ASCC1: variants seen among roughly 807,000 people sequenced by gnomAD.
The protein encoded by ASCC1 is ASC-1 complex subunit P50.
ASCC1 carries 35 observed loss-of-function variants against 46.6 expected under a neutral mutation model. The observed-to-expected ratio is 0.75, with a 90% CI of 0.57 to 0.99. ASCC1 has a LOEUF of 0.99. ASCC1 is among the 50% of genes least tolerant of loss of function. ASCC1 has a pLI of 0.00. For missense variants in ASCC1, 376 were observed against 428.7 expected (o/e 0.88, Z 1.09); for synonymous variants, 143 against 146.6 (o/e 0.98, Z 0.18).
chr10:72,204,420 G>T, intron 3 of ASCC1: 1 of 1,550,200 alleles, frequency 6.5e-7, no homozygotes, highest in Non-Finnish European at 8.7e-7. Context: ...TACATTACTT[G>T]CCTGGACTTC....
intron 5 of ASCC1, among the ~76,000 whole-genome samples, chr10:72,162,289 G>A (rs947476486): frequency 6.6e-5 from 10 of 151,808 alleles, no homozygotes; most frequent in East Asian, 3.9e-4. Context: ...TCCTGCCTCC[G>A]CCTCCCAAGT....
At chr10:72,141,666 T>C (rs1457609180) in intron 7 of ASCC1, among the ~76,000 whole-genome samples, 1 of 152,232 alleles carries the variant, frequency 6.6e-6, no homozygotes. Context: ...CTTCTACTTT[T>C]AAAATTAGCC....
intron 5 of ASCC1, among the ~76,000 whole-genome samples, chr10:72,194,774 C>T (rs1033204015): frequency 6.6e-6 from 1 of 152,108 alleles, no homozygotes; most frequent in Non-Finnish European, 1.5e-5. Context: ...ACAAGTTTCG[C>T]TCTTGTTGCC....
chr10:72,177,039 T>C (rs1171800186), intron 5 of ASCC1, among the ~76,000 whole-genome samples: 1 of 151,932 alleles, frequency 6.6e-6, no homozygotes, highest in Non-Finnish European at 1.5e-5. Context: ...CACCCTAGAG[T>C]ATGGGATCCT....
chr10:72,116,496 C>G (rs917273744), intron 9 of ASCC1, among the ~76,000 whole-genome samples: 9 of 151,690 alleles, frequency 5.9e-5, no homozygotes, highest in African/African-American at 2.4e-5. Flanking sequence ...AACCATGCCC[C>G]ATTCTCTCCT....
intron 7 of ASCC1, among the ~76,000 whole-genome samples, chr10:72,147,775 G>A (rs1000012660): frequency 6.6e-6 from 1 of 152,126 alleles, no homozygotes; most frequent in African/African-American, 2.4e-5. Context: ...AAGACTAAAT[G>A]GAAATAATAC....
chr10:72,172,732 T>C (rs904556240), intron 5 of ASCC1, among the ~76,000 whole-genome samples: 4 of 137,588 alleles, frequency 2.9e-5, no homozygotes, highest in South Asian at 4.3e-4. Flanking sequence ...TTTTATATTA[T>C]ATATATTACA....
chr10:72,118,034 G>A (rs757577532), intron 9 of ASCC1, among the ~76,000 whole-genome samples: 31 of 152,178 alleles, frequency 2.0e-4, no homozygotes, highest in Non-Finnish European at 1.6e-4. Context: ...AGAAATTTGA[G>A]TTTTGAGAAA....
chr10:72,117,951 T>G (rs976037656), intron 9 of ASCC1, among the ~76,000 whole-genome samples: 4 of 152,224 alleles, frequency 2.6e-5, no homozygotes, highest in African/African-American at 7.2e-5. Flanking sequence ...CTAAATTCCA[T>G]TTGCTGTTAT....
rs1198251665 is a variant in ASCC1 at position 72,110,581 on chromosome 10, G to A, written c.958-13131C>T. ...AGGTGGGTGGATCATGAGGTCAGGA[G>A]TTCGAGACCAGCCTAACCAACATGG... On this transcript the variant is annotated intron_variant, in intron 9 of 9. Transcript: ENST00000672957. Among the ~76,000 whole-genome samples the A allele has an allele frequency of 1.3e-5, 2 of 151,988 alleles. 1 individual carries two copies. The highest frequency in any genetic ancestry group is 2.9e-5 in the Non-Finnish European group (2 of 67,822).
At chr10:72,216,067 G>A (rs1210362666) in intron 1 of ASCC1, 140 bp downstream of exon 1, 1 of 152,348 alleles carries the variant, frequency 6.6e-6, no homozygotes, top group East Asian at 1.9e-4. Context: ...CGCGGTCCTC[G>A]TCGTGGTGAG....
intron 7 of ASCC1, among the ~76,000 whole-genome samples, chr10:72,139,241 G>A (rs1475421921): frequency 6.6e-6 from 1 of 151,316 alleles, no homozygotes; most frequent in East Asian, 1.9e-4. Flanking sequence ...AGCCTCCCGA[G>A]CAGCTGGGAC....
chr10:72,203,635 T>G (rs1190773961), intron 3 of ASCC1, 111 bp from the exon 4 acceptor site: 3 of 812,444 alleles, frequency 3.7e-6, no homozygotes, highest in Non-Finnish European at 6.3e-6. Flanking sequence ...GAAAAGTAGT[T>G]CAGTAAAAGC....
chr10:72,141,065 A>T (rs571747865), intron 7 of ASCC1, among the ~76,000 whole-genome samples: 1 of 151,238 alleles, frequency 6.6e-6, no homozygotes, highest in Non-Finnish European at 1.5e-5. Flanking sequence ...AGATAGATAG[A>T]TAGATAGATA....
At chr10:72,157,504 CAGAAG>C (rs1286614018) in intron 6 of ASCC1, among the ~76,000 whole-genome samples, 1 of 152,154 alleles carries the variant, frequency 6.6e-6, no homozygotes, top group Non-Finnish European at 1.5e-5. Flanking sequence ...CTAAGGTCAA[CAGAAG>C]AAAGACCCAT....
intron 8 of ASCC1, among the ~76,000 whole-genome samples, chr10:72,132,551 A>G (rs758779878): frequency 6.6e-6 from 1 of 152,162 alleles, no homozygotes; most frequent in African/African-American, 2.4e-5. Context: ...CATGCATTGT[A>G]GAGTGTTAGA....
intron 3 of ASCC1, chr10:72,204,389 T>G: frequency 1.3e-6 from 2 of 1,550,206 alleles, no homozygotes; most frequent in Non-Finnish European, 8.7e-7. Flanking sequence ...CACTCCCACT[T>G]AAATCACTTA....
chr10:72,129,142 TAACTATGG>T (rs1411638527), intron 8 of ASCC1, among the ~76,000 whole-genome samples: 2 of 152,204 alleles, frequency 1.3e-5, no homozygotes, highest in Non-Finnish European at 2.9e-5. Context: ...TGCACATGGG[TAACTATGG>T]AACTATGTCT....
intron 5 of ASCC1, among the ~76,000 whole-genome samples, chr10:72,188,438 C>T (rs1853844625): frequency 6.6e-6 from 1 of 151,864 alleles, no homozygotes; most frequent in South Asian, 2.1e-4. Flanking sequence ...ATACTTCTAA[C>T]ACTGCATATC....
Sources: allele counts gnomAD v4.1 joint callset (sites outside exome capture counted in the v4.1 genomes callset), GRCh38; gene constraint gnomAD v4.1.1; transcripts MANE v1.5; gene names NCBI Gene and HGNC (gene_info 2026-07-23, HGNC 2026-07-21).